Variants in STPG2 observed in about 807,000 individuals in gnomAD.
STPG2 encodes sperm-tail PG-rich repeat-containing protein 2.
Under a neutral mutation model 54.2 loss-of-function variants are expected in STPG2, and 56 were observed. The ratio of observed to expected loss-of-function variants is 1.03; its 90% CI spans 0.83 to 1.29. STPG2 has a LOEUF of 1.29. STPG2 is among the 50% of genes most tolerant of loss of function. The probability of loss-of-function intolerance (pLI) is 0.00; values close to 1 mark genes in which losing one functional copy is unlikely to be tolerated. For missense variants in STPG2, 596 were observed against 544.9 expected, an observed-to-expected ratio of 1.09 and a Z score of -0.93; for synonymous variants, 200 against 181.8, an observed-to-expected ratio of 1.10 and a Z score of -0.81.
chr4:98,098,717 C>A (rs564800308), intron 5 of STPG2, among the ~76,000 whole-genome samples: 202 of 152,096 alleles, frequency 1.3e-3, no homozygotes, highest in South Asian at 9.1e-3. Flanking sequence ...TATTTGCAAA[C>A]CCATCTGACA....
chr4:97,557,522 G>A (rs1732109535), downstream of STPG2, among the ~76,000 whole-genome samples: 1 of 152,104 alleles, frequency 6.6e-6, no homozygotes, highest in Non-Finnish European at 1.5e-5. Context: ...TCCTGGTACT[G>A]CAAACATGGC....
intron 5 of STPG2, among the ~76,000 whole-genome samples, chr4:98,058,550 G>A (rs1006684693): frequency 4.6e-5 from 7 of 152,164 alleles, no homozygotes; most frequent in African/African-American, 1.7e-4. Context: ...AGAGCACCCA[G>A]ATTCATAAAG....
intron 4 of STPG2, among the ~76,000 whole-genome samples, chr4:97,456,480 T>C (rs1397485440): frequency 6.6e-6 from 1 of 152,014 alleles, no homozygotes; most frequent in Non-Finnish European, 1.5e-5. Context: ...AAACCCCTCC[T>C]CCAATGCAGA....
chr4:97,479,492 G>C (rs1730165749), intron 4 of STPG2, among the ~76,000 whole-genome samples: 1 of 151,820 alleles, frequency 6.6e-6, no homozygotes, highest in Non-Finnish European at 1.5e-5. Context: ...ACTACATAAA[G>C]ATAAATAATT....
At chr4:97,666,966 T>C (rs759499898) in intron 10 of STPG2, among the ~76,000 whole-genome samples, 3 of 152,128 alleles carry the variant, frequency 2.0e-5, no homozygotes, top group East Asian at 1.9e-4. Flanking sequence ...ACTGACATCA[T>C]TGTGACCACC....
intron 9 of STPG2, among the ~76,000 whole-genome samples, chr4:97,749,795 A>G (rs1447906263): frequency 6.6e-6 from 1 of 151,806 alleles, no homozygotes; most frequent in African/African-American, 2.4e-5. Flanking sequence ...TAAAGTTTTT[A>G]GAAGAGCCTA....
intron 5 of STPG2, among the ~76,000 whole-genome samples, chr4:98,062,526 C>T (rs1363383580): frequency 6.6e-6 from 1 of 152,054 alleles, no homozygotes; most frequent in Non-Finnish European, 1.5e-5. Context: ...CAGGGGAAAA[C>T]ATAACTTCAA....
intron 9 of STPG2, among the ~76,000 whole-genome samples, chr4:97,835,677 A>G (rs1486555205): frequency 6.6e-6 from 1 of 152,134 alleles, no homozygotes; most frequent in Non-Finnish European, 1.5e-5. Context: ...GCCACCATAC[A>G]GAGTGACTCC....
At chr4:97,499,846 A>C (rs1730687159) in intron 4 of STPG2, among the ~76,000 whole-genome samples, 1 of 152,046 alleles carries the variant, frequency 6.6e-6, no homozygotes, top group African/African-American at 2.4e-5. Context: ...AGGGCCACTT[A>C]GATGGGATGA....
chr4:97,816,786 CTCTT>C (rs1479323232), intron 9 of STPG2, among the ~76,000 whole-genome samples: 4 of 149,954 alleles, frequency 2.7e-5, no homozygotes, highest in Admixed American at 6.7e-5. Context: ...TTCTTTCACT[CTCTT>C]TCTGTCTCTC....
chr4:97,563,583 T>G (rs1168653035), intron 10 of STPG2, among the ~76,000 whole-genome samples: 1 of 152,256 alleles, frequency 6.6e-6, no homozygotes, highest in Admixed American at 6.5e-5. Flanking sequence ...TTTAGTGCTA[T>G]AAATTTCCCT....
At chr4:98,065,939 C>G (rs1411553639) in intron 5 of STPG2, among the ~76,000 whole-genome samples, 1 of 151,880 alleles carries the variant, frequency 6.6e-6, no homozygotes, top group Non-Finnish European at 1.5e-5. Flanking sequence ...GAACAACTTT[C>G]CAAAATTGCT....
intron 10 of STPG2, among the ~76,000 whole-genome samples, chr4:97,612,090 TTTA>T (rs979364948): frequency 6.6e-6 from 1 of 151,838 alleles, no homozygotes; most frequent in African/African-American, 2.4e-5. Flanking sequence ...AAGAAAAGAA[TTTA>T]ATAATTGAAA....
chr4:97,551,285 A>C, intron 4 of STPG2, among the ~76,000 whole-genome samples: 1 of 152,312 alleles, frequency 6.6e-6, no homozygotes, highest in South Asian at 2.1e-4. Context: ...ACAGAGAAAA[A>C]TAGAGTATCT....
intron 10 of STPG2, among the ~76,000 whole-genome samples, chr4:97,629,413 T>C (rs1721188842): frequency 6.6e-6 from 1 of 152,056 alleles, no homozygotes; most frequent in Non-Finnish European, 1.5e-5. Context: ...GTGCACGCAC[T>C]ATAGGACTTC....
intron 10 of STPG2, among the ~76,000 whole-genome samples, chr4:97,701,303 T>C (rs901663155): frequency 6.6e-6 from 1 of 152,104 alleles, no homozygotes; most frequent in African/African-American, 2.4e-5. Context: ...GGACCCACTG[T>C]AAGTCAGACC....
At chr4:97,995,740 G>A (rs1361684916) in intron 5 of STPG2, among the ~76,000 whole-genome samples, 1 of 152,148 alleles carries the variant, frequency 6.6e-6, no homozygotes, top group Admixed American at 6.5e-5. Context: ...CTGGTCCCCA[G>A]TGACTCCTAG....
chr4:97,641,976 C>A (rs968635980), intron 10 of STPG2, among the ~76,000 whole-genome samples: 2 of 151,446 alleles, frequency 1.3e-5, no homozygotes, highest in African/African-American at 4.8e-5. Flanking sequence ...AACACCTATT[C>A]TTTATTCTCC....
intron 10 of STPG2, among the ~76,000 whole-genome samples, chr4:97,595,791 C>T (rs1014227231): frequency 4.6e-5 from 7 of 152,048 alleles, no homozygotes; most frequent in Non-Finnish European, 1.0e-4. Context: ...AAATGAAAGA[C>T]AATTACTTGC....
Sources: allele counts gnomAD v4.1 joint callset (sites outside exome capture counted in the v4.1 genomes callset), GRCh38; gene constraint gnomAD v4.1.1; transcripts MANE v1.5; gene names NCBI Gene and HGNC (gene_info 2026-07-23, HGNC 2026-07-21).